SORL1: variants seen among roughly 807,000 people sequenced by gnomAD.
SORL1 encodes sortilin related receptor 1.
A neutral mutation model predicts 273.7 loss-of-function variants in SORL1; 127 were observed. That is an observed-to-expected ratio of 0.46 (90% CI 0.40 to 0.54). SORL1 has a LOEUF of 0.54. SORL1 is among the 20% of genes least tolerant of loss of function. The probability of loss-of-function intolerance (pLI) is 0.00; values close to 1 mark genes in which losing one functional copy is unlikely to be tolerated. For synonymous variants in SORL1, 1,031 were observed against 1,067.4 expected, an observed-to-expected ratio of 0.97 and a Z score of 0.66; for missense variants, 2,494 against 2,846.1, an observed-to-expected ratio of 0.88 and a Z score of 2.81.
chr11:121,612,782 A>G lies in SORL1; in HGVS notation c.5369A>G (p.Lys1790Arg). The G allele has an allele frequency of 1.9e-6, 3 of 1,614,200 alleles. No homozygotes were observed. The highest frequency in any genetic ancestry group is 2.5e-6 in the Non-Finnish European group (3 of 1,180,000). ...CTTTTCTGGGCATTTGACACCCACA[A>G]GCAAGAGAGGAGAACTTTGAACTTC... Reference protein sequence around the residue: ...VNLFWAFDTHKQERRTLNFRG... With the variant: ...VNLFWAFDTHRQERRTLNFRG... Residue 1790 changes from lysine to arginine, a missense_variant, in exon 40 of 48, where the codon AAG becomes AGG. Physicochemically the swap from Lys to Arg is conservative, Grantham distance 26. Coordinates refer to ENST00000260197, the MANE Select transcript of SORL1 (RefSeq NM_003105.6).
Position 121,632,634 on chromosome 11 carries a change from C to T in SORL1, c.*3071C>T, listed in dbSNP as rs1419681460. Reference sequence around the variant, plus strand: ...TACTCAGCAATTTAGGGAATGTAACCCTTCTCAGAACTGGCCATTTTCAGG... The same window carrying T: ...TACTCAGCAATTTAGGGAATGTAACTCTTCTCAGAACTGGCCATTTTCAGG... On this transcript the variant is annotated 3_prime_UTR_variant, in exon 48 of 48. Coordinates refer to ENST00000260197, the MANE Select transcript of SORL1 (RefSeq NM_003105.6). 6.6e-6 allele frequency: 1 copy of T among 151,632 alleles called. No individual in the cohort carries two copies. The highest frequency in any genetic ancestry group is 1.5e-5 in the Non-Finnish European group (1 of 67,982). The allele number at this position is 151,632 out of a possible 1,614,324, so 9.4% of individuals were successfully genotyped here. A position where few individuals can be genotyped will look rare whatever the true frequency, so the allele number is the denominator to read the frequency against.
At chr11:121,589,479 T>C (rs1451298909) in intron 29 of SORL1, 89 bp downstream of exon 29, 5 of 1,521,296 alleles carry the variant, frequency 3.3e-6, no homozygotes, top group Non-Finnish European at 4.5e-6. Context: ...GCAACCCCAC[T>C]GCAGACTTGG....
intron 12 of SORL1, among the ~76,000 whole-genome samples, chr11:121,535,241 C>T (rs1245932191): frequency 6.6e-6 from 1 of 152,136 alleles, no homozygotes; most frequent in Non-Finnish European, 1.5e-5. Flanking sequence ...TGTGTGCAAC[C>T]CGGTAGTACC....
Position 121,627,566 on chromosome 11 carries a change from T to C in SORL1, c.6376T>C (p.Ser2126Pro). The C allele has an allele frequency of 3.1e-6, 5 of 1,614,070 alleles. No individual in the cohort carries two copies. The highest frequency in any genetic ancestry group is 4.2e-6 in the Non-Finnish European group (5 of 1,179,950). The change falls in exon 47 of 48, where the codon TCT (serine) becomes CCT (proline). Residue 2126 changes from serine to proline, a missense_variant. Transcript: ENST00000260197. The surrounding 1 kb of genome is among the most constrained non-coding windows in gnomAD (Gnocchi z 4.9). ...YDELGSGADA[S>P]ATQAARSTDV... ...CTTTGCCTTGGCAGGTGCAGATGCATCTGCAACGCAGGCTGCCAGATCTAC... is the reference window on the plus strand; with the variant it reads ...CTTTGCCTTGGCAGGTGCAGATGCACCTGCAACGCAGGCTGCCAGATCTAC...
At chr11:121,454,227 G>A (rs981033314) in intron 1 of SORL1, among the ~76,000 whole-genome samples, 61 of 152,364 alleles carry the variant, frequency 4.0e-4, no homozygotes, top group African/African-American at 1.4e-3. Context: ...TTGGGCCTCC[G>A]CAGTCAGCCC....
intron 23 of SORL1, among the ~76,000 whole-genome samples, chr11:121,573,138 C>T (rs2134931319): frequency 6.6e-6 from 1 of 152,316 alleles, no homozygotes; most frequent in East Asian, 1.9e-4. Flanking sequence ...TGTATCCATT[C>T]TAATGCCAGA....
chr11:121,590,002 G>T, intron 29 of SORL1, 38 bp from the exon 30 acceptor site: 2 of 1,609,106 alleles, frequency 1.2e-6, no homozygotes, highest in Middle Eastern at 1.7e-4. Context: ...TCACACTGAT[G>T]CAGGGAAAGC....
At chr11:121,612,590 A>C (rs1863582508) in intron 39 of SORL1, 146 bp from the exon 40 acceptor site, 1 of 592,814 alleles carries the variant, frequency 1.7e-6, no homozygotes, top group Non-Finnish European at 3.0e-6. Flanking sequence ...GAACCTGTTT[A>C]AAATTTTTAA....
At chr11:121,469,242 C>A (rs1478790327) in intron 1 of SORL1, among the ~76,000 whole-genome samples, 1 of 152,206 alleles carries the variant, frequency 6.6e-6, no homozygotes, top group Non-Finnish European at 1.5e-5. Flanking sequence ...ATTACACCTG[C>A]TGGAACTCAG....
intron 39 of SORL1, chr11:121,611,711 T>C (rs1863566862): frequency 6.6e-6 from 1 of 152,484 alleles, no homozygotes; most frequent in Admixed American, 6.5e-5. Flanking sequence ...TTCCTTCTTA[T>C]CTGTCCCTCC....
chr11:121,605,385 ATT>A lies in SORL1; in HGVS notation c.4779-9_4779-8del. The A allele has an allele frequency of 6.3e-7, 1 of 1,576,740 alleles. No homozygotes were observed. Among genetic ancestry groups the A allele is most frequent in the Non-Finnish European group, 8.7e-7 (1 of 1,153,486 alleles). ...GCTGCTCCAGTGTGACAATATCTTT[ATT>A]TTTTTTTGGGCCAGGGTGGTTGGAG... On this transcript the variant is annotated splice_polypyrimidine_tract_variant and intron_variant, in intron 34 of 47. Transcript: ENST00000260197.
At chr11:121,559,778 C>A in intron 21 of SORL1, 121 bp downstream of exon 21, 1 of 781,850 alleles carries the variant, frequency 1.3e-6, no homozygotes, top group Non-Finnish European at 2.1e-6. Context: ...CGACAACATG[C>A]ACATTATTTA....
At chr11:121,588,255 T>C in intron 28 of SORL1, 104 bp downstream of exon 28, 2 of 1,366,932 alleles carry the variant, frequency 1.5e-6, no homozygotes, top group Non-Finnish European at 2.0e-6. Flanking sequence ...TGACAGGTCT[T>C]GGTTGAGTGT....
intron 45 of SORL1, 49 bp from the exon 46 acceptor site, chr11:121,625,036 T>C (rs764698109): frequency 9.5e-6 from 13 of 1,362,888 alleles, no homozygotes; most frequent in Non-Finnish European, 1.3e-5. Context: ...ATAGAGGCTG[T>C]CAGTTTCCAT....
intron 1 of SORL1, among the ~76,000 whole-genome samples, chr11:121,456,318 C>T (rs1043605541): frequency 6.6e-6 from 1 of 152,218 alleles, no homozygotes; most frequent in Non-Finnish European, 1.5e-5. Flanking sequence ...GTCTCATCTT[C>T]CTGTTTGCTC....
At chr11:121,620,123 C>G (rs1481219490) in intron 43 of SORL1, among the ~76,000 whole-genome samples, 1 of 152,218 alleles carries the variant, frequency 6.6e-6, no homozygotes, top group Non-Finnish European at 1.5e-5. Context: ...TTATTCCTAG[C>G]TACCATTTTG....
chr11:121,466,505 A>T (rs558865235), intron 1 of SORL1, among the ~76,000 whole-genome samples: 2 of 152,276 alleles, frequency 1.3e-5, no homozygotes, highest in African/African-American at 2.4e-5. Flanking sequence ...GCCACATGCC[A>T]TGGAGAGCTA....
At position 121,563,805 on chromosome 11, in the gene SORL1, A is replaced by G. The variant is rs1862712414; in HGVS notation, c.3050-3135A>G. 6.6e-6 allele frequency among the ~76,000 whole-genome samples: 1 copy of G among 152,204 alleles called. No individual in the cohort carries two copies. Among genetic ancestry groups the G allele is most frequent in the Non-Finnish European group, 1.5e-5 (1 of 68,030 alleles). Reference sequence around the variant, plus strand: ...GTTGATGTATTCAGTTGCTCCTGCGATGGCTCTTGGAGCTTTGGAATTCTT... The same window carrying G: ...GTTGATGTATTCAGTTGCTCCTGCGGTGGCTCTTGGAGCTTTGGAATTCTT... On this transcript the variant is annotated intron_variant, in intron 21 of 47. Coordinates refer to ENST00000260197, the MANE Select transcript of SORL1 (RefSeq NM_003105.6). This position sits in a 1 kb window ranked among gnomAD's most constrained non-coding sequence, Gnocchi z 4.2.
At chr11:121,598,410 G>C (rs1157312272) in intron 32 of SORL1, among the ~76,000 whole-genome samples, 1 of 152,166 alleles carries the variant, frequency 6.6e-6, no homozygotes, top group Non-Finnish European at 1.5e-5. Flanking sequence ...CAGCTATGTG[G>C]GGGTTACTGA....
Sources: gnomAD v4.1 joint callset for allele counts (sites outside exome capture counted in the v4.1 genomes callset) on GRCh38, gnomAD v4.1.1 for gene constraint, Gnocchi (gnomAD v3.1) non-coding constraint, MANE v1.5 for transcripts, NCBI Gene and HGNC (gene_info 2026-07-23, HGNC 2026-07-21) for gene names.